RRM2B: variants seen among roughly 807,000 people sequenced by gnomAD.
RRM2B encodes the protein ribonucleotide reductase regulatory TP53 inducible subunit M2B.
In RRM2B, 20 loss-of-function variants were observed where a neutral mutation model predicts 45.9. The ratio of observed to expected loss-of-function variants is 0.44; its 90% CI spans 0.31 to 0.63. The LOEUF (loss-of-function observed/expected upper bound fraction) is 0.63. RRM2B is among the 30% of genes least tolerant of loss of function. The pLI is 0.09. For missense variants in RRM2B, 320 were observed against 414.7 expected, an observed-to-expected ratio of 0.77 and a Z score of 1.98; for synonymous variants, 124 against 132.3, an observed-to-expected ratio of 0.94 and a Z score of 0.43.
At chr8:102,220,082 T>C (rs1810804134) in intron 5 of RRM2B, among the ~76,000 whole-genome samples, 1 of 152,050 alleles carries the variant, frequency 6.6e-6, no homozygotes, top group Admixed American at 6.5e-5. Context: ...CTACAAAAAA[T>C]TTAAAAATTA....
At position 102,204,810 on chromosome 8, in the gene RRM2B, T is replaced by C. The variant is rs1328899596; in HGVS notation, c.*3323A>G. The C allele has an allele frequency of 6.6e-6, 1 of 152,166 alleles. No homozygotes were observed. Among genetic ancestry groups the C allele is most frequent in the African/African-American group, 2.4e-5 (1 of 41,440 alleles). The allele number at this position is 152,166 out of a possible 1,614,324, so 9.4% of individuals were successfully genotyped here. ...GACATTTGAAAAAATGAAAACACAG[T>C]TGTAAAACAAAGTATGTAAGAATAT... On this transcript the variant is annotated 3_prime_UTR_variant, in exon 9 of 9. Coordinates refer to ENST00000251810, the MANE Select transcript of RRM2B (RefSeq NM_015713.5).
chr8:102,231,784 G>A (rs1380770428), intron 2 of RRM2B, among the ~76,000 whole-genome samples: 1 of 150,106 alleles, frequency 6.7e-6, no homozygotes, highest in Non-Finnish European at 1.5e-5. Context: ...CAGGAGAATC[G>A]CTTGAACCCG....
chr8:102,224,120 A>G lies in RRM2B; in HGVS notation c.476T>C (p.Ile159Thr). 1 of 1,609,276 alleles carries G rather than the reference A, an allele frequency of 6.2e-7. No homozygotes were observed. The highest frequency in any genetic ancestry group is 8.5e-7 in the Non-Finnish European group (1 of 1,175,684). Residue 159 changes from isoleucine to threonine, a missense_variant, in exon 5 of 9, where the codon ATT (isoleucine) becomes ACT (threonine). Transcript: ENST00000251810. ...PKKREFLFNA[I>T]ETMPYVKKKA... ...TTTCTTAACATAGGGCATGGTTTCA[A>G]TTGCATTAAATAAAAATTCCCTGTA... is the stretch of plus-strand genomic sequence containing the variant.
At chr8:102,210,792 G>A (rs1810622187) in intron 8 of RRM2B, among the ~76,000 whole-genome samples, 1 of 151,948 alleles carries the variant, frequency 6.6e-6, no homozygotes, top group South Asian at 2.1e-4. Context: ...TAGAGATAGG[G>A]TCTTGCTATA....
Position 102,224,155 on chromosome 8 carries a change from G to C in RRM2B, c.456-15C>G. 6.9e-6 allele frequency: 10 copies of C among 1,446,480 alleles called. No homozygotes were observed. The highest frequency in any genetic ancestry group is 1.4e-5 in the African/African-American group (1 of 71,556). The allele number at this position is 1,446,480 out of a possible 1,614,324, so 89.6% of individuals were successfully genotyped here. ...ATAAAAATTCCCTGTAAAAACAAAAGAATGAACAGCAAAGTTATTCACTTG... is the reference window on the plus strand; with the variant it reads ...ATAAAAATTCCCTGTAAAAACAAAACAATGAACAGCAAAGTTATTCACTTG... On this transcript the variant is annotated splice_polypyrimidine_tract_variant and intron_variant, in intron 4 of 8. Coordinates refer to ENST00000251810, the MANE Select transcript of RRM2B (RefSeq NM_015713.5).
chr8:102,238,728 G>C (rs1811174673), intron 1 of RRM2B, 99 bp downstream of exon 1: 1 of 1,593,968 alleles, frequency 6.3e-7, no homozygotes, highest in Non-Finnish European at 8.5e-7. Flanking sequence ...GGCCTGTCCT[G>C]ACCGCGGCGA....
chr8:102,232,790 T>C (rs1165573055), intron 1 of RRM2B, among the ~76,000 whole-genome samples: 1 of 152,242 alleles, frequency 6.6e-6, no homozygotes, highest in Non-Finnish European at 1.5e-5. Context: ...TACTCTTCAC[T>C]GAAATAATAT....
At chr8:102,221,577 T>C (rs1262577864) in intron 5 of RRM2B, among the ~76,000 whole-genome samples, 1 of 152,226 alleles carries the variant, frequency 6.6e-6, no homozygotes, top group Non-Finnish European at 1.5e-5. Context: ...CCTCTTTCCC[T>C]GTTCCACTCT....
At chr8:102,221,261 TA>T (rs959513794) in intron 5 of RRM2B, among the ~76,000 whole-genome samples, 3 of 152,152 alleles carry the variant, frequency 2.0e-5, no homozygotes, top group African/African-American at 7.2e-5. Context: ...TCTCTTTAGC[TA>T]AAAATAAAGG....
intron 1 of RRM2B, among the ~76,000 whole-genome samples, chr8:102,234,319 T>C (rs1029850029): frequency 6.6e-6 from 1 of 152,200 alleles, no homozygotes; most frequent in Non-Finnish European, 1.5e-5. Context: ...GAGGAGTAGC[T>C]GGATTAGGAG....
At chr8:102,228,122 C>T (rs890891655) in intron 2 of RRM2B, among the ~76,000 whole-genome samples, 2 of 152,104 alleles carry the variant, frequency 1.3e-5, no homozygotes, top group African/African-American at 4.8e-5. Flanking sequence ...ACCCTGTGCC[C>T]ATAAAAACCC....
In RRM2B at chr8:102,207,364, T is replaced by A. The variant is rs1300342244; in HGVS notation, c.*769A>T. On this transcript the variant is annotated 3_prime_UTR_variant, in exon 9 of 9. Transcript: ENST00000251810. Reference sequence around the variant, plus strand: ...TTCCAGAGCTAAATCTGGCAATAGTTATGTTTTTAATTTCTGAAGAAGAAT... The same window carrying A: ...TTCCAGAGCTAAATCTGGCAATAGTAATGTTTTTAATTTCTGAAGAAGAAT... The A allele has an allele frequency of 6.6e-6, 1 of 152,236 alleles. No individual in the cohort carries two copies. The highest frequency in any genetic ancestry group is 1.5e-5 in the Non-Finnish European group (1 of 68,036). The allele number at this position is 152,236 out of a possible 1,614,324, so 9.4% of individuals were successfully genotyped here. A position where few individuals can be genotyped will look rare whatever the true frequency, so the allele number is the denominator to read the frequency against.
intron 6 of RRM2B, among the ~76,000 whole-genome samples, chr8:102,216,902 G>A (rs1164446361): frequency 6.6e-6 from 1 of 151,898 alleles, no homozygotes; most frequent in Admixed American, 6.6e-5. Flanking sequence ...TGCTAGATGG[G>A]GCTGAAAATT....
intron 5 of RRM2B, among the ~76,000 whole-genome samples, chr8:102,223,224 A>T (rs987567625): frequency 2.6e-5 from 4 of 152,128 alleles, no homozygotes; most frequent in Non-Finnish European, 4.4e-5. Context: ...ACACTTCCTT[A>T]AAAAAATGCT....
At chr8:102,210,659 C>T (rs1206852928) in intron 8 of RRM2B, among the ~76,000 whole-genome samples, 2 of 152,172 alleles carry the variant, frequency 1.3e-5, no homozygotes, top group South Asian at 2.1e-4. Flanking sequence ...GACAGGGTTT[C>T]ACCATGTTGG....
At chr8:102,233,365 T>C (rs1165844705) in intron 1 of RRM2B, among the ~76,000 whole-genome samples, 1 of 152,202 alleles carries the variant, frequency 6.6e-6, no homozygotes, top group African/African-American at 2.4e-5. Flanking sequence ...ATGGTCTTGA[T>C]TTTAACTACT....
rs541000036 is a variant in RRM2B at position 102,225,402 on chromosome 8, T to G, written c.322-384A>C. 2.6e-5 allele frequency among the ~76,000 whole-genome samples: 4 copies of G among 152,052 alleles called. 1 individual carries two copies. In the South Asian group the frequency reaches 8.3e-4, roughly 32 times the overall value. ...GCATGCGCCAACACGCCCAGCTAAT[T>G]TTTGTATTTTTAGTAGAAATGGGTT... is the stretch of plus-strand genomic sequence containing the variant. On this transcript the variant is annotated intron_variant, in intron 3 of 8. Transcript: ENST00000251810.
intron 1 of RRM2B, among the ~76,000 whole-genome samples, chr8:102,236,638 A>C (rs1811125469): frequency 6.6e-6 from 1 of 152,336 alleles, no homozygotes; most frequent in Non-Finnish European, 1.5e-5. Flanking sequence ...TGAAGGATTA[A>C]CTTGGCAATG....
chr8:102,238,060 G>T (rs931741656), intron 1 of RRM2B, among the ~76,000 whole-genome samples: 1 of 152,164 alleles, frequency 6.6e-6, no homozygotes, highest in Non-Finnish European at 1.5e-5. Flanking sequence ...TACAGCAACA[G>T]TTTAAACTAC....
Sources: gnomAD v4.1 joint callset for allele counts (sites outside exome capture counted in the v4.1 genomes callset) on GRCh38, gnomAD v4.1.1 for gene constraint, MANE v1.5 for transcripts, NCBI Gene and HGNC (gene_info 2026-07-23, HGNC 2026-07-21) for gene names.